The following NEK11 variants were observed in gnomAD, a reference collection of about 807,000 sequenced individuals.
NEK11 encodes serine/threonine-protein kinase Nek11.
Under a neutral mutation model 80.7 loss-of-function variants are expected in NEK11, and 72 were observed. That is an observed-to-expected ratio of 0.89 (90% CI 0.74 to 1.08). The LOEUF is 1.08. Ranked by LOEUF, NEK11 falls within the 50% of genes least tolerant of loss-of-function variation. NEK11 has a pLI of 0.00. For missense variants in NEK11, 764 were observed against 763.6 expected (o/e 1.00, Z -0.01); for synonymous variants, 251 against 260.7 (o/e 0.96, Z 0.36).
At chr3:131,345,071 G>C (rs919957797) in intron 17 of NEK11, among the ~76,000 whole-genome samples, 2 of 151,920 alleles carry the variant, frequency 1.3e-5, no homozygotes, top group African/African-American at 4.8e-5. Context: ...TCATAGTCTA[G>C]CTAGGGCTTT....
chr3:131,326,577 A>AC (rs2096970167), intron 17 of NEK11, among the ~76,000 whole-genome samples: 1 of 152,116 alleles, frequency 6.6e-6, no homozygotes, highest in Admixed American at 6.5e-5. Context: ...TCTCGGTCCC[A>AC]CCCCTCAAAG....
At chr3:131,154,847 A>T (rs2090376218) in intron 9 of NEK11, 189 bp from the exon 10 acceptor site, 1 of 546,226 alleles carries the variant, frequency 1.8e-6, no homozygotes, top group African/African-American at 1.9e-5. Context: ...CAGGAGCCTG[A>T]CCCTGCAAGA....
chr3:131,314,202 C>T (rs143672605), intron 17 of NEK11, among the ~76,000 whole-genome samples: 18 of 151,894 alleles, frequency 1.2e-4, no homozygotes, highest in African/African-American at 3.6e-4. Flanking sequence ...TTTTGCACCA[C>T]GTTACTGTTT....
chr3:131,167,360 T>G (rs1473654963), intron 12 of NEK11, among the ~76,000 whole-genome samples: 1 of 152,218 alleles, frequency 6.6e-6, no homozygotes, highest in Non-Finnish European at 1.5e-5. Context: ...GGTATTATTT[T>G]GTTCTTTAAA....
intron 3 of NEK11, among the ~76,000 whole-genome samples, chr3:131,033,989 T>C (rs1293012942): frequency 6.6e-6 from 1 of 152,234 alleles, no homozygotes; most frequent in African/African-American, 2.4e-5. Context: ...TTCATAATTA[T>C]AGACACTCTA....
intron 3 of NEK11, among the ~76,000 whole-genome samples, chr3:131,070,946 CA>C (rs2073170933): frequency 6.6e-6 from 1 of 152,104 alleles, no homozygotes; most frequent in African/African-American, 2.4e-5. Flanking sequence ...GGGTCTTGTC[CA>C]GCTTTAAAAT....
intron 17 of NEK11, among the ~76,000 whole-genome samples, chr3:131,334,122 T>C (rs1359605454): frequency 6.6e-6 from 1 of 152,324 alleles, no homozygotes; most frequent in East Asian, 1.9e-4. Flanking sequence ...GTGGACCTAA[T>C]AGACATCTAC....
chr3:131,032,870 A>G (rs2065078739), intron 3 of NEK11, among the ~76,000 whole-genome samples: 3 of 152,238 alleles, frequency 2.0e-5, no homozygotes, highest in Non-Finnish European at 1.5e-5. Context: ...TTAAAAGAAT[A>G]ATTAAAGGAA....
chr3:131,223,703 A>G (rs1020966711), intron 14 of NEK11, among the ~76,000 whole-genome samples: 1 of 152,200 alleles, frequency 6.6e-6, no homozygotes, highest in Non-Finnish European at 1.5e-5. Flanking sequence ...CCTTTACAGA[A>G]CATATTTGTC....
chr3:131,320,031 C>A (rs1217248359), intron 17 of NEK11, among the ~76,000 whole-genome samples: 1 of 152,022 alleles, frequency 6.6e-6, no homozygotes, highest in Non-Finnish European at 1.5e-5. Flanking sequence ...GTAAAAATGG[C>A]AATTCCATAT....
chr3:131,333,955 C>A (rs140129981), intron 17 of NEK11, among the ~76,000 whole-genome samples: 4 of 152,040 alleles, frequency 2.6e-5, no homozygotes, highest in African/African-American at 9.7e-5. Flanking sequence ...CAGGAGCACC[C>A]AGATTCATAA....
intron 5 of NEK11, among the ~76,000 whole-genome samples, 198 bp from the exon 6 acceptor site, chr3:131,132,547 A>T (rs557436543): frequency 6.6e-6 from 1 of 152,178 alleles, no homozygotes; most frequent in South Asian, 2.1e-4. Context: ...CCAACCTTTA[A>T]AATCTTTATT....
At chr3:131,301,735 T>A (rs1160794153) in intron 17 of NEK11, among the ~76,000 whole-genome samples, 1 of 152,194 alleles carries the variant, frequency 6.6e-6, no homozygotes, top group African/African-American at 2.4e-5. Flanking sequence ...GCCTACTTGA[T>A]CATGGTGGTT....
At chr3:131,334,205 C>A (rs2097142810) in intron 17 of NEK11, among the ~76,000 whole-genome samples, 1 of 152,078 alleles carries the variant, frequency 6.6e-6, no homozygotes, top group Non-Finnish European at 1.5e-5. Flanking sequence ...CAAAATTGAC[C>A]ACATAGTTGG....
At chr3:131,313,464 C>A (rs759657116) in intron 17 of NEK11, among the ~76,000 whole-genome samples, 4 of 152,186 alleles carry the variant, frequency 2.6e-5, no homozygotes, top group Non-Finnish European at 4.4e-5. Flanking sequence ...CTTTTCTCTG[C>A]AACCTCACCA....
chr3:131,157,222 A>G (rs1301341986), intron 10 of NEK11, among the ~76,000 whole-genome samples: 1 of 152,150 alleles, frequency 6.6e-6, no homozygotes, highest in Non-Finnish European at 1.5e-5. Context: ...CTGTCCTTAA[A>G]ATTTTGCTAT....
intron 16 of NEK11, among the ~76,000 whole-genome samples, chr3:131,268,884 T>C (rs2096118888): frequency 6.6e-6 from 1 of 152,228 alleles, no homozygotes; most frequent in African/African-American, 2.4e-5. Flanking sequence ...CCTTCCCCCA[T>C]TGGCTCTGTC....
intron 16 of NEK11, among the ~76,000 whole-genome samples, chr3:131,253,547 T>C (rs1561213488): frequency 6.6e-6 from 1 of 152,190 alleles, no homozygotes; most frequent in East Asian, 1.9e-4. Flanking sequence ...TTTCCTCTTC[T>C]TCCTTCCCTA....
rs181190591 is a variant in NEK11, at chr3:131,226,312, T to C, written c.1400-2216T>C. On this transcript the variant is annotated intron_variant, in intron 14 of 17. Coordinates refer to ENST00000383366, the MANE Select transcript of NEK11 (RefSeq NM_024800.5). ...TGTGATTCTCTTGTCGTTCTCAGTG[T>C]AAGTAAAATGAAGATCTTTATTAAC... Among the ~76,000 whole-genome samples the C allele has an allele frequency of 3.0e-4, 45 of 152,312 alleles. No individual in the cohort carries two copies. The East Asian group carries it at 7.7e-3, about 26-fold the overall frequency.
Sources: allele counts gnomAD v4.1 joint callset (sites outside exome capture counted in the v4.1 genomes callset), GRCh38; gene constraint gnomAD v4.1.1; transcripts MANE v1.5; gene names NCBI Gene and HGNC (gene_info 2026-07-23, HGNC 2026-07-21).